The following KLHL1 variants were observed in gnomAD, a reference collection of about 807,000 sequenced individuals.
KLHL1 encodes the protein kelch-like protein 1.
In KLHL1, 47 loss-of-function variants were observed where a neutral mutation model predicts 77.7. The observed-to-expected ratio is 0.60, with a 90% CI of 0.48 to 0.77. The LOEUF (loss-of-function observed/expected upper bound fraction) is 0.77. Among genes scored for constraint, KLHL1 ranks in the 30% least tolerant of loss-of-function variants. The pLI is 0.00. For missense variants in KLHL1, 925 were observed against 910.8 expected, an observed-to-expected ratio of 1.02 and a Z score of -0.20; for synonymous variants, 360 against 325.2, an observed-to-expected ratio of 1.11 and a Z score of -1.15.
chr13:69,993,275 T>TA, intron 1 of KLHL1, among the ~76,000 whole-genome samples: 1 of 152,194 alleles, frequency 6.6e-6, no homozygotes, highest in Non-Finnish European at 1.5e-5. Flanking sequence ...ACCACGCTTG[T>TA]AAACAGCATG....
intron 7 of KLHL1, among the ~76,000 whole-genome samples, chr13:69,751,851 T>C (rs1874499641): frequency 1.3e-5 from 2 of 152,118 alleles, no homozygotes; most frequent in Admixed American, 1.3e-4. Flanking sequence ...GTCTTGCTTG[T>C]CCTGATGTGA....
chr13:69,784,387 A>G (rs1876400047), intron 7 of KLHL1, among the ~76,000 whole-genome samples: 3 of 152,178 alleles, frequency 2.0e-5, no homozygotes, highest in Non-Finnish European at 2.9e-5. Context: ...GACACAGACT[A>G]GCAAATTGGA....
intron 1 of KLHL1, among the ~76,000 whole-genome samples, chr13:70,023,847 A>C (rs1437426025): frequency 6.6e-6 from 1 of 151,962 alleles, no homozygotes; most frequent in Non-Finnish European, 1.5e-5. Context: ...TCTGTGGATA[A>C]CTTGCCTCAA....
chr13:69,862,638 C>T (rs1160539388), intron 5 of KLHL1, among the ~76,000 whole-genome samples: 1 of 150,314 alleles, frequency 6.7e-6, no homozygotes, highest in African/African-American at 2.5e-5. Flanking sequence ...AAGCGTTAAC[C>T]TCAAGGTGAG....
At position 70,022,318 on chromosome 13, in the gene KLHL1, T is replaced by C. The variant is rs1049655919; in HGVS notation, c.498-46516A>G. Among the ~76,000 whole-genome samples, 16 of 151,460 alleles carry C rather than the reference T, an allele frequency of 1.1e-4. No individual in the cohort carries two copies. In the East Asian group the frequency reaches 1.2e-3, roughly 11 times the overall value. On this transcript the variant is annotated intron_variant, in intron 1 of 10. Transcript: ENST00000377844. ...GTGTGTGTGTGTATGTGTTTGGTTG[T>C]AGGATCTCTATTCTATTCCATTGAC...
intron 7 of KLHL1, among the ~76,000 whole-genome samples, chr13:69,787,019 C>G (rs1050762141): frequency 4.6e-5 from 7 of 152,246 alleles, no homozygotes; most frequent in African/African-American, 1.7e-4. Flanking sequence ...AGGATACAAA[C>G]AAATGGAAGA....
At chr13:70,001,033 T>C (rs1306839006) in intron 1 of KLHL1, among the ~76,000 whole-genome samples, 2 of 151,336 alleles carry the variant, frequency 1.3e-5, no homozygotes, top group East Asian at 3.9e-4. Flanking sequence ...TAGAAGATAT[T>C]AGAGACAAAA....
At chr13:69,996,923 T>G (rs1279257802) in intron 1 of KLHL1, among the ~76,000 whole-genome samples, 2 of 122,904 alleles carry the variant, frequency 1.6e-5, no homozygotes, top group Non-Finnish European at 3.6e-5. Flanking sequence ...TTTTTTTTTT[T>G]TTTTTTTTTT....
chr13:69,933,195 T>C (rs1883062818), intron 4 of KLHL1, among the ~76,000 whole-genome samples: 1 of 152,026 alleles, frequency 6.6e-6, no homozygotes. Context: ...TATATATAAC[T>C]AGTTACTAAG....
intron 5 of KLHL1, among the ~76,000 whole-genome samples, chr13:69,841,538 C>G (rs183588024): frequency 6.6e-6 from 1 of 151,628 alleles, no homozygotes; most frequent in East Asian, 1.9e-4. Flanking sequence ...TTACAAAACA[C>G]TAATGAAAGA....
In KLHL1 at chr13:69,839,172, A is replaced by G. The variant is rs1367503529; in HGVS notation, c.1228-10T>C. 1.3e-6 allele frequency: 2 copies of G among 1,548,580 alleles called. No individual in the cohort carries two copies. Among genetic ancestry groups the G allele is most frequent in the Non-Finnish European group, 1.8e-6 (2 of 1,133,160 alleles). On this transcript the variant is annotated splice_polypyrimidine_tract_variant and intron_variant, in intron 5 of 10. Transcript: ENST00000377844. ...CTAGGTCAGCCAATATCTGTGAATA[A>G]TACACAATAGCTGTTAATAATGTTT... is the stretch of plus-strand genomic sequence containing the variant.
At chr13:70,087,552 A>T (rs538716914) in intron 1 of KLHL1, among the ~76,000 whole-genome samples, 1 of 152,108 alleles carries the variant, frequency 6.6e-6, no homozygotes, top group Non-Finnish European at 1.5e-5. Flanking sequence ...TTAAAAAAAA[A>T]AAAAAAGAAA....
intron 4 of KLHL1, among the ~76,000 whole-genome samples, chr13:69,913,573 A>G (rs946176199): frequency 6.6e-6 from 1 of 152,210 alleles, no homozygotes; most frequent in South Asian, 2.1e-4. Flanking sequence ...TTGTACTAGA[A>G]ATGATTACTT....
intron 4 of KLHL1, among the ~76,000 whole-genome samples, chr13:69,932,392 A>G (rs2138283711): frequency 6.6e-6 from 1 of 151,896 alleles, no homozygotes; most frequent in South Asian, 2.1e-4. Flanking sequence ...GAAGACCCTG[A>G]CATTTCTTCC....
chr13:69,765,311 A>T (rs1252379705), intron 7 of KLHL1, among the ~76,000 whole-genome samples: 1 of 152,018 alleles, frequency 6.6e-6, no homozygotes, highest in Non-Finnish European at 1.5e-5. Context: ...TATATACTTT[A>T]TGAATAATAT....
At chr13:69,926,946 C>CAAAAAAA (rs71116960) in intron 4 of KLHL1, among the ~76,000 whole-genome samples, 1,012 of 36,002 alleles carry the variant, frequency 0.028, 354 homozygotes, top group Admixed American at 0.039. Context: ...GACTCCATCT[C>CAAAAAAA]AAAAAAAAAA....
intron 7 of KLHL1, among the ~76,000 whole-genome samples, chr13:69,794,242 C>T (rs1426012917): frequency 2.6e-5 from 4 of 152,258 alleles, no homozygotes; most frequent in South Asian, 2.1e-4. Flanking sequence ...GCGAAGTCAG[C>T]TTACAGGCTT....
chr13:69,904,200 T>C (rs1881974847), intron 4 of KLHL1, among the ~76,000 whole-genome samples: 1 of 152,090 alleles, frequency 6.6e-6, no homozygotes, highest in South Asian at 2.1e-4. Context: ...GTTTAAACTT[T>C]GCTGAAGCCA....
chr13:69,782,632 C>T (rs964749799), intron 7 of KLHL1, among the ~76,000 whole-genome samples: 20 of 152,172 alleles, frequency 1.3e-4, no homozygotes, highest in Non-Finnish European at 4.4e-5. Flanking sequence ...CTGCCATTGC[C>T]CAAGTTTGAT....
Sources: gnomAD v4.1 joint callset for allele counts (sites outside exome capture counted in the v4.1 genomes callset) on GRCh38, gnomAD v4.1.1 for gene constraint, MANE v1.5 for transcripts, NCBI Gene and HGNC (gene_info 2026-07-23, HGNC 2026-07-21) for gene names.